Variants in MED30 observed in about 807,000 individuals in gnomAD.
MED30 encodes mediator of RNA polymerase II transcription subunit 30.
In MED30, 8 loss-of-function variants were observed where a neutral mutation model predicts 21.7. The observed-to-expected ratio is 0.37, with a 90% confidence interval of 0.22 to 0.67. MED30 has a LOEUF of 0.67. Ranked by LOEUF, MED30 falls within the 30% of genes least tolerant of loss-of-function variation. The pLI is 0.58. For missense variants in MED30, 203 were observed against 228.2 expected, an observed-to-expected ratio of 0.89 and a Z score of 0.71; for synonymous variants, 79 against 86.7, an observed-to-expected ratio of 0.91 and a Z score of 0.49.
intron 3 of MED30, 129 bp downstream of exon 3, chr8:117,530,956 C>A: frequency 1.5e-6 from 1 of 683,444 alleles, no homozygotes; most frequent in Non-Finnish European, 2.5e-6. Context: ...CAAACTTCAC[C>A]TATTTAGAAT....
At chr8:117,528,153 T>G (rs1818746602) in intron 1 of MED30, among the ~76,000 whole-genome samples, 1 of 151,888 alleles carries the variant, frequency 6.6e-6, no homozygotes, top group African/African-American at 2.4e-5. Flanking sequence ...TATATTTTAA[T>G]GTATGCCTTA....
chr8:117,529,680 T>C (rs79902154), intron 2 of MED30, among the ~76,000 whole-genome samples: 1 of 151,304 alleles, frequency 6.6e-6, no homozygotes, highest in East Asian at 1.9e-4. Context: ...AGGAAAGCAG[T>C]AGATGGAAGG....
chr8:117,520,728 G>T lies in MED30; in HGVS notation c.-149G>T. 1.4e-6 allele frequency: 1 copy of T among 729,018 alleles called. No individual in the cohort carries two copies. 45.2% of individuals were successfully genotyped at this position (729,018 alleles called of 1,614,324 possible). A position where few individuals can be genotyped will look rare whatever the true frequency, so the allele number is the denominator to read the frequency against. Reference sequence around the variant, plus strand: ...GTTTTCTGACGTGTTACGTCACAGTGGGCGGAAGTCGCGGCCGCTGTTTTG... The same window carrying T: ...GTTTTCTGACGTGTTACGTCACAGTTGGCGGAAGTCGCGGCCGCTGTTTTG... On this transcript the variant is annotated 5_prime_UTR_variant, in exon 1 of 4. Transcript: ENST00000297347.
In MED30 at chr8:117,521,391, T is replaced by C. The variant is rs758266011; in HGVS notation, c.177+338T>C. Among the ~76,000 whole-genome samples, 10 of 152,288 alleles carry C rather than the reference T, an allele frequency of 6.6e-5. No homozygotes were observed. The South Asian group carries it at 1.7e-3, about 25-fold the overall frequency. On this transcript the variant is annotated intron_variant, in intron 1 of 3. Transcript: ENST00000297347. ...TAAATGTTTTTTCCAGCATTTCTTC[T>C]GGGGAGGTCCAAGGAGTTGAAGAAT...
At chr8:117,521,881 C>G (rs773700553) in intron 1 of MED30, among the ~76,000 whole-genome samples, 2 of 152,152 alleles carry the variant, frequency 1.3e-5, no homozygotes, top group African/African-American at 4.8e-5. Context: ...TGAACTTTTG[C>G]TGACAAATTT....
intron 2 of MED30, 196 bp downstream of exon 2, chr8:117,529,005 C>A (rs1818760334): frequency 2.8e-6 from 1 of 355,122 alleles, no homozygotes; most frequent in Non-Finnish European, 5.0e-6. Flanking sequence ...TTAACAATTT[C>A]TTGTAGACTT....
chr8:117,535,124 T>G (rs893016071), intron 3 of MED30, among the ~76,000 whole-genome samples: 10 of 152,062 alleles, frequency 6.6e-5, no homozygotes, highest in Admixed American at 3.3e-4. Flanking sequence ...AACAATTTTA[T>G]TTTATTATTT....
chr8:117,528,881 CCT>C lies in MED30; in HGVS notation c.336+80_336+81del, dbSNP rs1278288641. The C allele has an allele frequency of 6.7e-6, 8 of 1,195,618 alleles. No individual in the cohort carries two copies. In the East Asian group the frequency reaches 7.9e-5, roughly 12 times the overall value. 74.1% of individuals were successfully genotyped at this position (1,195,618 alleles called of 1,614,324 possible). A position where few individuals can be genotyped will look rare whatever the true frequency, so the allele number is the denominator to read the frequency against. ...TGTCAAGACAGTTGTTAATCTTTTT[CCT>C]CTCTCTCCTGTTTTAGCAATATTTC... is the stretch of plus-strand genomic sequence containing the variant. On this transcript the variant is annotated intron_variant, in intron 2 of 3. Coordinates refer to ENST00000297347, the MANE Select transcript of MED30 (RefSeq NM_080651.4).
intron 3 of MED30, among the ~76,000 whole-genome samples, chr8:117,536,346 G>T (rs1036346738): frequency 1.1e-4 from 17 of 152,092 alleles, no homozygotes; most frequent in Non-Finnish European, 1.9e-4. Context: ...ATAGATCTGT[G>T]TAATTTATAA....
chr8:117,524,879 G>C (rs1002472073), intron 1 of MED30, among the ~76,000 whole-genome samples: 3 of 151,920 alleles, frequency 2.0e-5, no homozygotes, highest in African/African-American at 7.3e-5. Flanking sequence ...TTTTTCAGTT[G>C]ATATATTTTG....
Position 117,520,758 on chromosome 8 carries a change from C to A in MED30, c.-119C>A. On this transcript the variant is annotated 5_prime_UTR_variant, in exon 1 of 4. Transcript: ENST00000297347. Reference sequence around the variant, plus strand: ...GAAGTCGCGGCCGCTGTTTTGAAATCGGGCCGCGGGGGGTCTCTCAAGCTG... The same window carrying A: ...GAAGTCGCGGCCGCTGTTTTGAAATAGGGCCGCGGGGGGTCTCTCAAGCTG... The A allele has an allele frequency of 3.2e-5, 33 of 1,037,732 alleles. No individual in the cohort carries two copies. The highest frequency in any genetic ancestry group is 3.2e-4 in the Middle Eastern group (1 of 3,100). 64.3% of individuals were successfully genotyped at this position (1,037,732 alleles called of 1,614,324 possible).
At chr8:117,528,356 AT>A (rs1403551225) in intron 1 of MED30, among the ~76,000 whole-genome samples, 3 of 151,310 alleles carry the variant, frequency 2.0e-5, no homozygotes, top group Non-Finnish European at 4.4e-5. Context: ...AAAATTGTAA[AT>A]TTTTTTTTAA....
intron 3 of MED30, among the ~76,000 whole-genome samples, chr8:117,539,227 C>T (rs778043986): frequency 3.9e-5 from 6 of 152,174 alleles, no homozygotes; most frequent in Non-Finnish European, 8.8e-5. Context: ...GGTGTGATGG[C>T]TCATGCCTGT....
rs575171276 is a variant in MED30 at position 117,534,850 on chromosome 8, G to GTTTTGTT, written c.441+4027_441+4028insGTTTTTT. Among the ~76,000 whole-genome samples the GTTTTGTT allele has an allele frequency of 1.0e-3, 125 of 121,046 alleles. No individual in the cohort carries two copies. In the South Asian group the frequency reaches 0.011, roughly 11 times the overall value. The allele number at this position is 121,046 out of a possible 152,430, so 79.4% of individuals were successfully genotyped here. A position where few individuals can be genotyped will look rare whatever the true frequency, so the allele number is the denominator to read the frequency against. On this transcript the variant is annotated intron_variant, in intron 3 of 3. Transcript: ENST00000297347. ...TTAACTGCTAAAAGGCAAACAAATT[G>GTTTTGTT]TTTTTTTTTTTTTTTTTTACCAAAA... is the stretch of plus-strand genomic sequence containing the variant.
At chr8:117,531,160 C>T (rs1818787270) in intron 3 of MED30, among the ~76,000 whole-genome samples, 1 of 151,924 alleles carries the variant, frequency 6.6e-6, no homozygotes, top group Admixed American at 6.6e-5. Flanking sequence ...TAAAAATTTA[C>T]AAATATGAAA....
At chr8:117,526,694 A>G (rs1818724655) in intron 1 of MED30, among the ~76,000 whole-genome samples, 1 of 151,904 alleles carries the variant, frequency 6.6e-6, no homozygotes. Flanking sequence ...TGTCTCTCTG[A>G]TGTTTACTGC....
At chr8:117,528,445 T>C (rs1341741062) in intron 1 of MED30, among the ~76,000 whole-genome samples, 1 of 151,962 alleles carries the variant, frequency 6.6e-6, no homozygotes, top group Non-Finnish European at 1.5e-5. Flanking sequence ...AGGTCTGTTT[T>C]ATAGCAGTGA....
At chr8:117,537,594 A>G (rs996603633) in intron 3 of MED30, among the ~76,000 whole-genome samples, 20 of 152,122 alleles carry the variant, frequency 1.3e-4, no homozygotes, top group Non-Finnish European at 2.8e-4. Context: ...TATCTTGAAA[A>G]TACCCTACAA....
chr8:117,521,163 C>A, intron 1 of MED30, 110 bp downstream of exon 1: 2 of 1,063,752 alleles, frequency 1.9e-6, no homozygotes, highest in Non-Finnish European at 2.6e-6. Flanking sequence ...CCTGGGCAAA[C>A]CTTAGGTGTA....
Sources: allele counts gnomAD v4.1 joint callset (sites outside exome capture counted in the v4.1 genomes callset), GRCh38; gene constraint gnomAD v4.1.1; transcripts MANE v1.5; gene names NCBI Gene and HGNC (gene_info 2026-07-23, HGNC 2026-07-21).